The following S100Z variants were observed in gnomAD, a reference collection of about 807,000 sequenced individuals.
The protein encoded by S100Z is protein S100-Z.
S100Z carries 11 observed loss-of-function variants against 8.5 expected under a neutral mutation model. The ratio of observed to expected loss-of-function variants is 1.30; its 90% CI spans 0.82 to 2.15. The LOEUF is 2.15. Ranked by LOEUF, S100Z falls within the 30% of genes most tolerant of loss-of-function variation. The pLI is 0.00. For missense variants in S100Z, 126 were observed against 117.9 expected, an observed-to-expected ratio of 1.07 and a Z score of -0.32; for synonymous variants, 34 against 43.8, an observed-to-expected ratio of 0.78 and a Z score of 0.89.
intron 1 of S100Z, among the ~76,000 whole-genome samples, chr5:76,863,595 G>A (rs1241538230): frequency 2.6e-5 from 4 of 152,080 alleles, no homozygotes; most frequent in Non-Finnish European, 4.4e-5. Flanking sequence ...CTGGAGTGCA[G>A]TGGCGCGATC....
chr5:76,907,471 T>C (rs967369634), intron 4 of S100Z, among the ~76,000 whole-genome samples: 1 of 151,926 alleles, frequency 6.6e-6, no homozygotes, highest in African/African-American at 2.4e-5. Context: ...GCCCGGCTAA[T>C]TTTTTGTATT....
chr5:76,869,509 G>A (rs1322237939), intron 1 of S100Z, among the ~76,000 whole-genome samples: 2 of 152,234 alleles, frequency 1.3e-5, no homozygotes, highest in East Asian at 3.8e-4. Flanking sequence ...ACCATGGTCA[G>A]TTTGCAGGCA....
chr5:76,877,726 A>G lies in S100Z; in HGVS notation c.194A>G (p.Asn65Ser), dbSNP rs573397136. 21 of 1,612,478 alleles carry G rather than the reference A, an allele frequency of 1.3e-5. 1 individual carries two copies. In the South Asian group the frequency reaches 2.0e-4, roughly 15 times the overall value. The change falls in exon 4 of 5, where the codon AAT becomes AGT. Residue 65 changes from asparagine to serine, a missense_variant. Asn to Ser is a conservative substitution (Grantham distance 46). Coordinates refer to ENST00000317593, the MANE Select transcript of S100Z (RefSeq NM_130772.4). ...AAGATAGTGCAGGACCTGGATGCCA[A>G]TAAGGACAACGAAGTGGATTTTAAT... ...VDKIVQDLDA[N>S]KDNEVDFNEF...
chr5:76,892,770 A>G (rs1208007507), intron 4 of S100Z, among the ~76,000 whole-genome samples: 1 of 152,218 alleles, frequency 6.6e-6, no homozygotes, highest in Non-Finnish European at 1.5e-5. Context: ...GGGTAGAGGA[A>G]TAGTCAACTG....
the S100Z span, among the ~76,000 whole-genome samples, chr5:76,949,059 T>G: frequency 6.6e-6 from 1 of 152,208 alleles, no homozygotes; most frequent in Admixed American, 6.5e-5. Flanking sequence ...TGTTTACCTA[T>G]GTGACAAACC....
chr5:76,861,587 C>T (rs897422908), intron 1 of S100Z, among the ~76,000 whole-genome samples: 6 of 152,202 alleles, frequency 3.9e-5, no homozygotes, highest in Non-Finnish European at 7.3e-5. Flanking sequence ...GATCTACCCA[C>T]CTCAGCCTCC....
the S100Z span, among the ~76,000 whole-genome samples, chr5:76,948,499 C>T: frequency 3.3e-5 from 5 of 152,066 alleles, no homozygotes; most frequent in Admixed American, 2.0e-4. Flanking sequence ...CCTATTAAGT[C>T]ATTTTAAAAA....
At chr5:76,867,823 C>T (rs941117410) in intron 1 of S100Z, among the ~76,000 whole-genome samples, 2 of 152,152 alleles carry the variant, frequency 1.3e-5, no homozygotes, top group African/African-American at 2.4e-5. Flanking sequence ...CTCAGGTGAT[C>T]CACCCACCTT....
chr5:76,933,206 G>A, the S100Z span, among the ~76,000 whole-genome samples: 2 of 152,212 alleles, frequency 1.3e-5, no homozygotes, highest in African/African-American at 4.8e-5. Flanking sequence ...GCCAGGCGGA[G>A]TGCCCGGATG....
At chr5:76,892,665 G>GCAGT (rs1743903989) in intron 4 of S100Z, among the ~76,000 whole-genome samples, 2 of 152,018 alleles carry the variant, frequency 1.3e-5, no homozygotes, top group Non-Finnish European at 2.9e-5. Context: ...AAAAAAAAAG[G>GCAGT]CAGGGGCAGG....
intron 4 of S100Z, among the ~76,000 whole-genome samples, chr5:76,891,848 A>C (rs1743870429): frequency 6.6e-6 from 1 of 152,010 alleles, no homozygotes; most frequent in Non-Finnish European, 1.5e-5. Context: ...GAGGGAAAGG[A>C]TGTCACCAGA....
At chr5:76,857,894 G>A (rs185456964) in intron 1 of S100Z, among the ~76,000 whole-genome samples, 3 of 152,300 alleles carry the variant, frequency 2.0e-5, no homozygotes, top group East Asian at 3.9e-4. Flanking sequence ...ATAATAAAAT[G>A]TAACTCCATG....
chr5:76,942,291 T>C, the S100Z span, among the ~76,000 whole-genome samples: 2 of 151,964 alleles, frequency 1.3e-5, no homozygotes, highest in African/African-American at 4.8e-5. Flanking sequence ...TTTGTATTTT[T>C]AGTAGAGACG....
chr5:76,904,207 T>A (rs936043236), intron 4 of S100Z, among the ~76,000 whole-genome samples: 1 of 152,172 alleles, frequency 6.6e-6, no homozygotes, highest in South Asian at 2.1e-4. Context: ...CCCACTTTTC[T>A]TTTTGAGACA....
chr5:76,940,231 A>G, the S100Z span, among the ~76,000 whole-genome samples: 2 of 152,092 alleles, frequency 1.3e-5, no homozygotes, highest in South Asian at 2.1e-4. Context: ...AGCAACTGTC[A>G]AAAAATGCAG....
At chr5:76,951,509 C>T in the S100Z span, among the ~76,000 whole-genome samples, 1 of 152,148 alleles carries the variant, frequency 6.6e-6, no homozygotes, top group Non-Finnish European at 1.5e-5. Context: ...GCTGTGGCTA[C>T]ATCAATGGGA....
At chr5:76,931,372 C>T in the S100Z span, among the ~76,000 whole-genome samples, 7 of 152,250 alleles carry the variant, frequency 4.6e-5, no homozygotes, top group African/African-American at 7.2e-5. Context: ...TTCAGCCTCC[C>T]GAAGTGTTGG....
chr5:76,922,569 A>G (rs183174104), downstream of S100Z, among the ~76,000 whole-genome samples: 41 of 152,120 alleles, frequency 2.7e-4, no homozygotes, highest in African/African-American at 9.7e-4. Flanking sequence ...TCCGTTGCCC[A>G]AGCTGAAGTG....
downstream of S100Z, among the ~76,000 whole-genome samples, chr5:76,925,928 A>G (rs563546610): frequency 1.3e-5 from 2 of 152,268 alleles, no homozygotes; most frequent in South Asian, 2.1e-4. Flanking sequence ...GATTGTGTCA[A>G]TGCATTCCAG....
Sources: gnomAD v4.1 joint callset for allele counts (sites outside exome capture counted in the v4.1 genomes callset) on GRCh38, gnomAD v4.1.1 for gene constraint, MANE v1.5 for transcripts, NCBI Gene and HGNC (gene_info 2026-07-23, HGNC 2026-07-21) for gene names.